Variants in DACH1 observed in about 807,000 individuals in gnomAD.
DACH1 encodes the protein dachshund homolog 1.
Under a neutral mutation model 54.2 loss-of-function variants are expected in DACH1, and 12 were observed. That is an observed-to-expected ratio of 0.22 (90% CI 0.14 to 0.36). The LOEUF (loss-of-function observed/expected upper bound fraction) is 0.36. Among genes scored for constraint, DACH1 ranks in the 10% least tolerant of loss-of-function variants. DACH1 has a pLI of 1.00. For synonymous variants in DACH1, 386 were observed against 366.2 expected, an observed-to-expected ratio of 1.05 and a Z score of -0.62; for missense variants, 805 against 929.8, an observed-to-expected ratio of 0.87 and a Z score of 1.75.
At chr13:71,484,520 A>G (rs959522149) in intron 7 of DACH1, among the ~76,000 whole-genome samples, 1 of 152,116 alleles carries the variant, frequency 6.6e-6, no homozygotes, top group Non-Finnish European at 1.5e-5. Context: ...TTGTTTGCTT[A>G]ATTCTTCCAT....
At position 71,684,923 on chromosome 13, in the gene DACH1, G is replaced by A. The variant is rs561968999; in HGVS notation, c.849-3013C>T. Among the ~76,000 whole-genome samples the A allele has an allele frequency of 4.6e-5, 7 of 152,184 alleles. No individual in the cohort carries two copies. The South Asian group carries it at 1.5e-3, about 32-fold the overall frequency. ...TGAGTTTGAAACTCTAACTTGAAAC[G>A]TAATGCTAAATATACTTCTCAAGCC... On this transcript the variant is annotated intron_variant, in intron 1 of 10. Transcript: ENST00000613252.
At chr13:71,639,548 A>C (rs950167225) in intron 2 of DACH1, among the ~76,000 whole-genome samples, 1 of 152,140 alleles carries the variant, frequency 6.6e-6, no homozygotes, top group African/African-American at 2.4e-5. Context: ...AGATATATAC[A>C]GTAAGAAAGA....
chr13:71,468,626 G>A (rs1019853342), intron 10 of DACH1, among the ~76,000 whole-genome samples: 3 of 152,268 alleles, frequency 2.0e-5, no homozygotes, highest in Admixed American at 6.5e-5. Context: ...AAAGTCTTGG[G>A]ATACCATTTA....
chr13:71,804,112 A>T (rs1193409472), intron 1 of DACH1, among the ~76,000 whole-genome samples: 1 of 152,128 alleles, frequency 6.6e-6, no homozygotes, highest in Non-Finnish European at 1.5e-5. Flanking sequence ...TGAGCCCAGG[A>T]GTTAGAGACC....
At chr13:71,512,975 T>C (rs1026756419) in intron 6 of DACH1, among the ~76,000 whole-genome samples, 11 of 151,984 alleles carry the variant, frequency 7.2e-5, no homozygotes, top group Middle Eastern at 3.4e-3. Context: ...AAGATAGTGA[T>C]TGGTGAAAAT....
At chr13:71,754,785 T>TA (rs913055832) in intron 1 of DACH1, among the ~76,000 whole-genome samples, 1 of 149,380 alleles carries the variant, frequency 6.7e-6, no homozygotes, top group African/African-American at 2.4e-5. Flanking sequence ...CTGCAAAACG[T>TA]AAAAAACGCC....
intron 1 of DACH1, among the ~76,000 whole-genome samples, chr13:71,686,265 G>A (rs1353422481): frequency 3.3e-5 from 5 of 152,128 alleles, no homozygotes; most frequent in Non-Finnish European, 5.9e-5. Flanking sequence ...GAAAGCAATA[G>A]CTTAGAGATG....
intron 1 of DACH1, among the ~76,000 whole-genome samples, chr13:71,728,417 T>C (rs1883577819): frequency 6.6e-6 from 1 of 151,942 alleles, no homozygotes; most frequent in African/African-American, 2.4e-5. Context: ...CCGAAGAGTC[T>C]AAAGAAATGA....
intron 6 of DACH1, among the ~76,000 whole-genome samples, chr13:71,548,119 T>C (rs897800664): frequency 3.3e-5 from 5 of 152,222 alleles, no homozygotes; most frequent in Admixed American, 6.5e-5. Context: ...GGCAACACTT[T>C]CTCTTTTTAA....
At chr13:71,789,766 C>A (rs1886758656) in intron 1 of DACH1, among the ~76,000 whole-genome samples, 1 of 152,028 alleles carries the variant, frequency 6.6e-6, no homozygotes, top group South Asian at 2.1e-4. Flanking sequence ...CATATTGCAA[C>A]TGAATTAGAA....
chr13:71,620,873 A>C, intron 3 of DACH1, among the ~76,000 whole-genome samples: 1 of 149,782 alleles, frequency 6.7e-6, no homozygotes, highest in Admixed American at 6.6e-5. Context: ...TAGATGAATT[A>C]TTTATTTTTT....
intron 1 of DACH1, among the ~76,000 whole-genome samples, chr13:71,861,641 A>C (rs562671294): frequency 6.6e-6 from 1 of 152,010 alleles, no homozygotes. Flanking sequence ...TCTTTTTGAA[A>C]TGATATAAAA....
rs569996976 is a variant in DACH1 at position 71,779,238 on chromosome 13, CATATATACGT to C, written c.848+86674_848+86683del. Among the ~76,000 whole-genome samples the C allele has an allele frequency of 2.3e-3, 161 of 71,460 alleles. 7 individuals are homozygous for C. Among genetic ancestry groups the C allele is most frequent in the African/African-American group, 0.011 (154 of 13,482 alleles). 46.9% of individuals were successfully genotyped at this position (71,460 alleles called of 152,430 possible). Reference sequence around the variant, plus strand: ...ATATACGTATATACGTATATATACACATATATACGTATATACGTATATATGTGTATATATA... The same window carrying C: ...ATATACGTATATACGTATATATACACATATACGTATATATGTGTATATATA... On this transcript the variant is annotated intron_variant, in intron 1 of 10. Coordinates refer to ENST00000613252, the MANE Select transcript of DACH1 (RefSeq NM_080759.6).
chr13:71,460,361 TAGTC>T (rs1003296376), intron 10 of DACH1, among the ~76,000 whole-genome samples: 9 of 151,894 alleles, frequency 5.9e-5, no homozygotes, highest in Non-Finnish European at 1.3e-4. Flanking sequence ...TTTTTGGAAT[TAGTC>T]AGTTGAGACT....
At chr13:71,690,891 C>T (rs1881444463) in intron 1 of DACH1, among the ~76,000 whole-genome samples, 1 of 152,216 alleles carries the variant, frequency 6.6e-6, no homozygotes, top group African/African-American at 2.4e-5. Flanking sequence ...GTGATCAAAC[C>T]ACTGCACTCG....
intron 1 of DACH1, among the ~76,000 whole-genome samples, chr13:71,858,389 C>T (rs191434969): frequency 1.8e-3 from 275 of 151,754 alleles, no homozygotes; most frequent in Non-Finnish European, 3.3e-3. Context: ...AAACATTTCT[C>T]AATTATTCAA....
chr13:71,466,965 A>T (rs1876636588), intron 10 of DACH1, among the ~76,000 whole-genome samples: 1 of 151,964 alleles, frequency 6.6e-6, no homozygotes, highest in Admixed American at 6.6e-5. Context: ...CCCAACACAG[A>T]CATATAATAA....
At chr13:71,664,633 T>C (rs1052553030) in intron 2 of DACH1, among the ~76,000 whole-genome samples, 1 of 151,970 alleles carries the variant, frequency 6.6e-6, no homozygotes, top group Non-Finnish European at 1.5e-5. Flanking sequence ...GTGTACCACA[T>C]TTTCAAAAAT....
intron 1 of DACH1, among the ~76,000 whole-genome samples, chr13:71,739,635 C>T (rs532782261): frequency 7.9e-5 from 12 of 152,100 alleles, no homozygotes; most frequent in Non-Finnish European, 1.2e-4. Context: ...GGGTAGCAGC[C>T]ACTGTCCTGG....
Sources: allele counts gnomAD v4.1 joint callset (sites outside exome capture counted in the v4.1 genomes callset), GRCh38; gene constraint gnomAD v4.1.1; transcripts MANE v1.5; gene names NCBI Gene and HGNC (gene_info 2026-07-23, HGNC 2026-07-21).